The following GRIA1 variants were observed in gnomAD, a reference collection of about 807,000 sequenced individuals.
The protein encoded by GRIA1 is glutamate receptor 1.
A neutral mutation model predicts 99.2 loss-of-function variants in GRIA1; 31 were observed. That is an observed-to-expected ratio of 0.31 (90% CI 0.23 to 0.42). GRIA1 has a LOEUF of 0.42. GRIA1 is among the 10% of genes least tolerant of loss of function. GRIA1 has a pLI of 1.00. For missense variants in GRIA1, 782 were observed against 1,157.5 expected, an observed-to-expected ratio of 0.68 and a Z score of 4.71; for synonymous variants, 438 against 432.4, an observed-to-expected ratio of 1.01 and a Z score of -0.16.
At chr5:153,673,393 A>C (rs577009389) in intron 5 of GRIA1, among the ~76,000 whole-genome samples, 2 of 152,340 alleles carry the variant, frequency 1.3e-5, no homozygotes, top group South Asian at 2.1e-4. Context: ...ATACTATACT[A>C]TGCTGCATAT....
At chr5:153,749,249 C>G (rs1187337147) in intron 11 of GRIA1, among the ~76,000 whole-genome samples, 2 of 152,096 alleles carry the variant, frequency 1.3e-5, no homozygotes, top group African/African-American at 4.8e-5. Flanking sequence ...TGAGATGTGA[C>G]TTACTAACTT....
intron 2 of GRIA1, among the ~76,000 whole-genome samples, chr5:153,575,507 G>A (rs1017754792): frequency 6.6e-6 from 1 of 152,160 alleles, no homozygotes; most frequent in African/African-American, 2.4e-5. Context: ...TAAAGGCTGT[G>A]AAAAATCATT....
chr5:153,498,373 T>C (rs553289967), intron 2 of GRIA1, among the ~76,000 whole-genome samples: 1 of 152,350 alleles, frequency 6.6e-6, no homozygotes, highest in East Asian at 1.9e-4. Flanking sequence ...TATAAACTGC[T>C]GTCAGAAAGA....
At chr5:153,495,236 C>A (rs1289277834) in intron 2 of GRIA1, among the ~76,000 whole-genome samples, 3 of 152,214 alleles carry the variant, frequency 2.0e-5, no homozygotes, top group African/African-American at 7.2e-5. Flanking sequence ...TAGTCACATT[C>A]ATTACCATGT....
At chr5:153,576,995 T>G (rs1443561136) in intron 2 of GRIA1, among the ~76,000 whole-genome samples, 1 of 126,798 alleles carries the variant, frequency 7.9e-6, no homozygotes, top group Admixed American at 8.9e-5. Context: ...GGTGAGTGGA[T>G]GAATGGATGG....
intron 2 of GRIA1, among the ~76,000 whole-genome samples, chr5:153,549,660 C>T (rs911499768): frequency 6.6e-6 from 1 of 152,150 alleles, no homozygotes; most frequent in Admixed American, 6.6e-5. Context: ...AAAACGATTT[C>T]CCCTCCCTTT....
chr5:153,632,475 G>T lies in GRIA1; in HGVS notation c.221-14453G>T, dbSNP rs563859184. Reference sequence around the variant, plus strand: ...TTCTAGTTTGATATTTATTGGCTGTGCTACTCAGAGCAAGCAACTTAACTC... The same window carrying T: ...TTCTAGTTTGATATTTATTGGCTGTTCTACTCAGAGCAAGCAACTTAACTC... On this transcript the variant is annotated intron_variant, in intron 2 of 15. Coordinates refer to ENST00000285900, the MANE Select transcript of GRIA1 (RefSeq NM_000827.4). Among the ~76,000 whole-genome samples, 3 of 152,278 alleles carry T rather than the reference G, an allele frequency of 2.0e-5. No homozygotes were observed. In the South Asian group the frequency reaches 6.2e-4, roughly 32 times the overall value.
chr5:153,737,468 G>A (rs992261735), intron 11 of GRIA1, among the ~76,000 whole-genome samples: 2 of 152,048 alleles, frequency 1.3e-5, no homozygotes, highest in African/African-American at 2.4e-5. Flanking sequence ...AAAGCAATAC[G>A]ATGGAAACAA....
chr5:153,619,334 T>C (rs1766809355), intron 2 of GRIA1, among the ~76,000 whole-genome samples: 1 of 152,168 alleles, frequency 6.6e-6, no homozygotes, highest in Non-Finnish European at 1.5e-5. Flanking sequence ...ACATTTTGGA[T>C]ATTTTATTTT....
At chr5:153,629,258 GCAGCTCGTGCTTCCACAAGGCATCCT>G (rs1362062582) in intron 2 of GRIA1, among the ~76,000 whole-genome samples, 2 of 152,136 alleles carry the variant, frequency 1.3e-5, no homozygotes, top group Non-Finnish European at 2.9e-5. Flanking sequence ...GCTGAAACAT[GCAGCTCGTGCTTCCACAAGGCATCCT>G]CAGCATGCTT....
At chr5:153,672,189 C>T (rs1756237525) in intron 5 of GRIA1, among the ~76,000 whole-genome samples, 1 of 152,072 alleles carries the variant, frequency 6.6e-6, no homozygotes, top group Non-Finnish European at 1.5e-5. Context: ...CAGGGTCATG[C>T]CATGCAGGGG....
At chr5:153,582,668 G>A (rs1763143535) in intron 2 of GRIA1, among the ~76,000 whole-genome samples, 1 of 152,180 alleles carries the variant, frequency 6.6e-6, no homozygotes, top group Non-Finnish European at 1.5e-5. Flanking sequence ...AGAAGCTAGA[G>A]TCTGGAATCA....
rs553377388 is a variant in GRIA1 at position 153,625,499 on chromosome 5, T to G, written c.221-21429T>G. Among the ~76,000 whole-genome samples, 8 of 152,290 alleles carry G rather than the reference T, an allele frequency of 5.3e-5. No homozygotes were observed. The East Asian group carries it at 1.5e-3, about 29-fold the overall frequency. On this transcript the variant is annotated intron_variant, in intron 2 of 15. Transcript: ENST00000285900. ...GCACCATACGGGGCACTGCAGGGGA[T>G]ATGTTTATATCAGAGCTCTCTCTGA...
rs1375028930 is a variant in GRIA1 at position 153,677,150 on chromosome 5, G to A, written c.1018G>A (p.Ala340Thr). 1 of 1,515,860 alleles carries A rather than the reference G, an allele frequency of 6.6e-7. No homozygotes were observed. The highest frequency in any genetic ancestry group is 8.9e-7 in the Non-Finnish European group (1 of 1,121,908). 93.9% of individuals were successfully genotyped at this position (1,515,860 alleles called of 1,614,324 possible). Residue 340 changes from alanine to threonine, a missense_variant, in exon 7 of 16, where the codon GCT becomes ACT. Coordinates refer to ENST00000285900, the MANE Select transcript of GRIA1 (RefSeq NM_000827.4). ...GGGCCAAGGGATCGACATCCAGAGA[G>A]CTCTGCAGCAGGTAAGACCACCAAT... ...PWGQGIDIQR[A>T]LQQVRFEGLT...
At chr5:153,630,578 A>T (rs1025090912) in intron 2 of GRIA1, among the ~76,000 whole-genome samples, 2 of 152,198 alleles carry the variant, frequency 1.3e-5, no homozygotes, top group Non-Finnish European at 2.9e-5. Context: ...GCTTTGAACA[A>T]GGCAGGTCCA....
At chr5:153,791,179 T>C (rs1200316446) in intron 13 of GRIA1, among the ~76,000 whole-genome samples, 1 of 151,276 alleles carries the variant, frequency 6.6e-6, no homozygotes, top group Non-Finnish European at 1.5e-5. Flanking sequence ...CTTATGCCTG[T>C]ATCCTAGCAC....
intron 2 of GRIA1, among the ~76,000 whole-genome samples, chr5:153,523,632 G>A (rs1404758799): frequency 6.6e-6 from 1 of 152,108 alleles, no homozygotes; most frequent in Non-Finnish European, 1.5e-5. Flanking sequence ...CCCTGTGCAG[G>A]TCAGCCATGT....
chr5:153,529,535 A>T (rs1305832598), intron 2 of GRIA1, among the ~76,000 whole-genome samples: 1 of 152,176 alleles, frequency 6.6e-6, no homozygotes, highest in African/African-American at 2.4e-5. Context: ...CATCACATCG[A>T]AGTATTCATG....
intron 11 of GRIA1, among the ~76,000 whole-genome samples, chr5:153,729,148 A>G (rs2088894405): frequency 6.7e-6 from 1 of 149,676 alleles, no homozygotes; most frequent in Non-Finnish European, 1.5e-5. Flanking sequence ...AAAACCAAAC[A>G]CCGCATATTC....
Sources: allele counts gnomAD v4.1 joint callset (sites outside exome capture counted in the v4.1 genomes callset), GRCh38; gene constraint gnomAD v4.1.1; transcripts MANE v1.5; gene names NCBI Gene and HGNC (gene_info 2026-07-23, HGNC 2026-07-21).